SLC35F4: variants seen among roughly 807,000 people sequenced by gnomAD.
SLC35F4 encodes the protein solute carrier family 35 member F4.
In SLC35F4, 24 loss-of-function variants were observed where a neutral mutation model predicts 44.2. The ratio of observed to expected loss-of-function variants is 0.54; its 90% CI spans 0.39 to 0.76. The LOEUF is 0.76. Among genes scored for constraint, SLC35F4 ranks in the 30% least tolerant of loss-of-function variants. The pLI, the probability that SLC35F4 is intolerant of heterozygous loss-of-function variation, is 0.00. For synonymous variants in SLC35F4, 238 were observed against 223.6 expected, an observed-to-expected ratio of 1.06 and a Z score of -0.57; for missense variants, 562 against 586.1, an observed-to-expected ratio of 0.96 and a Z score of 0.42.
chr14:57,670,181 C>T (rs981450834), intron 1 of SLC35F4, among the ~76,000 whole-genome samples: 1 of 152,076 alleles, frequency 6.6e-6, no homozygotes, highest in African/African-American at 2.4e-5. Context: ...GTGATATTCA[C>T]TTTATCATTT....
At chr14:57,653,973 T>C (rs928050186) in intron 1 of SLC35F4, among the ~76,000 whole-genome samples, 2 of 152,142 alleles carry the variant, frequency 1.3e-5, no homozygotes, top group Non-Finnish European at 2.9e-5. Context: ...TTGTTGGCAA[T>C]CCTCGATTGC....
At chr14:57,956,275 A>G (rs943924231) in intron 1 of SLC35F4, among the ~76,000 whole-genome samples, 1 of 152,222 alleles carries the variant, frequency 6.6e-6, no homozygotes, top group East Asian at 1.9e-4. Context: ...CTTACACCTT[A>G]TACAAAAAAT....
intron 6 of SLC35F4, among the ~76,000 whole-genome samples, chr14:57,569,148 G>A (rs1399837273): frequency 6.6e-6 from 1 of 152,164 alleles, no homozygotes; most frequent in Non-Finnish European, 1.5e-5. Context: ...ACCAAGCCTA[G>A]TGCATGCTGC....
chr14:57,673,039 A>G (rs2074572179), intron 1 of SLC35F4, among the ~76,000 whole-genome samples: 1 of 152,150 alleles, frequency 6.6e-6, no homozygotes, highest in African/African-American at 2.4e-5. Context: ...AGGGCTTCAA[A>G]TCTGAGCCAG....
At chr14:57,741,782 C>A (rs531379658) in intron 1 of SLC35F4, among the ~76,000 whole-genome samples, 11 of 152,190 alleles carry the variant, frequency 7.2e-5, no homozygotes, top group South Asian at 4.2e-4. Flanking sequence ...TCAGATTCAC[C>A]AAAGTTGAAA....
intron 1 of SLC35F4, among the ~76,000 whole-genome samples, chr14:57,792,738 A>G (rs1046182886): frequency 6.6e-6 from 1 of 152,096 alleles, no homozygotes; most frequent in African/African-American, 2.4e-5. Flanking sequence ...GAGGACACAA[A>G]GGCATAAGAA....
chr14:57,663,575 G>A (rs1258616515), intron 1 of SLC35F4, among the ~76,000 whole-genome samples: 2 of 152,178 alleles, frequency 1.3e-5, no homozygotes, highest in Non-Finnish European at 2.9e-5. Context: ...GAGCCAGCAT[G>A]AAGTTGCACA....
At chr14:57,697,510 G>A (rs2140353747) in intron 1 of SLC35F4, among the ~76,000 whole-genome samples, 1 of 152,046 alleles carries the variant, frequency 6.6e-6, no homozygotes, top group Non-Finnish European at 1.5e-5. Flanking sequence ...AGACAAACCT[G>A]GGCAACATGG....
In SLC35F4 at chr14:57,744,659, A is replaced by G. The variant is rs923657030; in HGVS notation, c.103+121064T>C. Among the ~76,000 whole-genome samples, 6 of 152,326 alleles carry G rather than the reference A, an allele frequency of 3.9e-5. No individual in the cohort carries two copies. The South Asian group carries it at 1.2e-3, about 32-fold the overall frequency. On this transcript the variant is annotated intron_variant, in intron 1 of 7. Coordinates refer to ENST00000556826, the MANE Select transcript of SLC35F4 (RefSeq NM_001306087.2). ...GAAAATGGCCATACTGTCCAAGGTA[A>G]TTTACAGATTCAATGCCATCCCCAT...
At chr14:57,634,510 G>A (rs143875049) in intron 1 of SLC35F4, among the ~76,000 whole-genome samples, 9 of 152,202 alleles carry the variant, frequency 5.9e-5, no homozygotes, top group African/African-American at 2.2e-4. Flanking sequence ...TGAAGTGGGT[G>A]GAGTATGGCA....
intron 1 of SLC35F4, among the ~76,000 whole-genome samples, chr14:57,896,900 T>C (rs1888884437): frequency 1.3e-5 from 2 of 151,174 alleles, no homozygotes; most frequent in Non-Finnish European, 1.5e-5. Context: ...TCATTAATAG[T>C]AGCTTTAATT....
At position 57,656,291 on chromosome 14, in the gene SLC35F4, G is replaced by A. The variant is rs200552449; in HGVS notation, c.104-62167C>T. Among the ~76,000 whole-genome samples the A allele has an allele frequency of 5.2e-3, 769 of 148,520 alleles. 7 individuals carry two copies. Among genetic ancestry groups the A allele is most frequent in the African/African-American group, 0.018 (734 of 39,800 alleles). Reference sequence around the variant, plus strand: ...GGCTCCTATGAGAAAGGAGCCAGAAGCCCCCCCACACCCCCCACACACACT... The same window carrying A: ...GGCTCCTATGAGAAAGGAGCCAGAAACCCCCCCACACCCCCCACACACACT... On this transcript the variant is annotated intron_variant, in intron 1 of 7. Coordinates refer to ENST00000556826, the MANE Select transcript of SLC35F4 (RefSeq NM_001306087.2).
intron 1 of SLC35F4, among the ~76,000 whole-genome samples, chr14:57,902,969 C>A (rs1846049118): frequency 6.6e-6 from 1 of 152,180 alleles, no homozygotes; most frequent in Admixed American, 6.5e-5. Context: ...TCTACCTCCT[C>A]ACCCTGCCTT....
At chr14:57,656,302 C>T (rs977011179) in intron 1 of SLC35F4, among the ~76,000 whole-genome samples, 2 of 148,798 alleles carry the variant, frequency 1.3e-5, no homozygotes, top group Non-Finnish European at 3.0e-5. Context: ...CCCCCCCACA[C>T]CCCCCACACA....
At chr14:57,601,319 AT>A (rs902136097) in intron 1 of SLC35F4, among the ~76,000 whole-genome samples, 2 of 151,748 alleles carry the variant, frequency 1.3e-5, no homozygotes, top group Non-Finnish European at 2.9e-5. Context: ...ATACCTTTTA[AT>A]TTTTTTTCAA....
chr14:57,856,311 A>AAAACTTT (rs1887084560), intron 1 of SLC35F4, among the ~76,000 whole-genome samples: 1 of 152,042 alleles, frequency 6.6e-6, no homozygotes, highest in African/African-American at 2.4e-5. Context: ...CCCAGAACTT[A>AAAACTTT]AAGTATGTTA....
chr14:57,700,696 G>T (rs1360131710), intron 1 of SLC35F4, among the ~76,000 whole-genome samples: 1 of 151,988 alleles, frequency 6.6e-6, no homozygotes, highest in African/African-American at 2.4e-5. Flanking sequence ...GAGTCCAGGG[G>T]TTCGAGACCA....
chr14:57,956,894 G>T (rs1418144501), intron 1 of SLC35F4, among the ~76,000 whole-genome samples: 1 of 152,108 alleles, frequency 6.6e-6, no homozygotes, highest in Non-Finnish European at 1.5e-5. Context: ...AATCCTCAAG[G>T]ATCTAGAACC....
chr14:57,645,543 G>T (rs541374890), intron 1 of SLC35F4, among the ~76,000 whole-genome samples: 42 of 151,950 alleles, frequency 2.8e-4, no homozygotes, highest in African/African-American at 1.0e-3. Flanking sequence ...GGGTTTTCTA[G>T]ATATACAATC....
Sources: gnomAD v4.1 joint callset for allele counts (sites outside exome capture counted in the v4.1 genomes callset) on GRCh38, gnomAD v4.1.1 for gene constraint, MANE v1.5 for transcripts, NCBI Gene and HGNC (gene_info 2026-07-23, HGNC 2026-07-21) for gene names.